Variants in AK9 observed in about 807,000 individuals in gnomAD.
The protein encoded by AK9 is adenylate kinase 9, also known as adenylate kinase domain containing 1.
In AK9, 191 loss-of-function variants were observed where a neutral mutation model predicts 239.6. The ratio of observed to expected loss-of-function variants is 0.80; its 90% CI spans 0.71 to 0.90. The LOEUF (loss-of-function observed/expected upper bound fraction) is 0.90, where lower values mean the gene tolerates loss of function less well. AK9 is among the 40% of genes least tolerant of loss of function. AK9 has a pLI of 0.00. For synonymous variants in AK9, 689 were observed against 721.0 expected (o/e 0.96, Z 0.71); for missense variants, 1,995 against 2,214.7 (o/e 0.90, Z 1.99).
At chr6:109,665,743 C>T (rs1245562161) in intron 5 of AK9, among the ~76,000 whole-genome samples, 1 of 152,184 alleles carries the variant, frequency 6.6e-6, no homozygotes, top group Non-Finnish European at 1.5e-5. Flanking sequence ...TTCCAGAGAC[C>T]ATCTATCTCC....
In AK9 at chr6:109,506,346, G is replaced by T; in HGVS notation, c.4830C>A (p.Tyr1610Ter). ...TCTTACCTGCTTTTATTCTTTCCAG[G>T]TATGTCTGCATGTATTTATTCACCA... ...VQMVNKYMQT[Y>*]LERIKAGKAA... The change falls in exon 35 of 41, where the codon TAC becomes TAA. Residue 1610 changes from tyrosine (Y) to a stop codon, truncating the protein, a stop_gained. Coordinates refer to ENST00000424296, the MANE Select transcript of AK9 (RefSeq NM_001145128.3). LOFTEE classifies it high-confidence loss of function. The T allele has an allele frequency of 6.2e-7, 1 of 1,613,250 alleles. No individual in the cohort carries two copies. The highest frequency in any genetic ancestry group is 2.2e-5 in the East Asian group (1 of 44,782).
chr6:109,561,887 A>T (rs1785827059), intron 24 of AK9, among the ~76,000 whole-genome samples: 1 of 152,118 alleles, frequency 6.6e-6, no homozygotes, highest in Non-Finnish European at 1.5e-5. Context: ...AATTTAGAAA[A>T]AACTTGGCCA....
chr6:109,644,486 G>A, intron 9 of AK9, 128 bp downstream of exon 9: 1 of 764,674 alleles, frequency 1.3e-6, no homozygotes, highest in East Asian at 2.9e-5. Flanking sequence ...TAAGTGTTAA[G>A]ACAGATTGTT....
At chr6:109,601,359 T>G (rs1453086037) in intron 17 of AK9, among the ~76,000 whole-genome samples, 3 of 152,224 alleles carry the variant, frequency 2.0e-5, no homozygotes, top group Non-Finnish European at 4.4e-5. Flanking sequence ...AGGAGCAGGT[T>G]GTTGAGTTTC....
chr6:109,505,490 TA>T lies in AK9; in HGVS notation c.4849+836del, dbSNP rs1158374155. Among the ~76,000 whole-genome samples the T allele has an allele frequency of 4.6e-5, 7 of 152,322 alleles. No individual in the cohort carries two copies. In the East Asian group the frequency reaches 1.2e-3, roughly 25 times the overall value. On this transcript the variant is annotated intron_variant, in intron 35 of 40. Transcript: ENST00000424296. ...GCTTCTGTGAATTCCTAATATAGAT[TA>T]AAAGACATTTTAATGAACAAGCTTA...
At chr6:109,550,414 T>C (rs1784223549) in intron 24 of AK9, 112 bp from the exon 25 acceptor site, 3 of 932,972 alleles carry the variant, frequency 3.2e-6, no homozygotes, top group South Asian at 1.9e-5. Context: ...ACTTGAAAAC[T>C]ATCCACAAAA....
intron 35 of AK9, among the ~76,000 whole-genome samples, chr6:109,502,260 A>G (rs904719561): frequency 2.0e-5 from 3 of 152,184 alleles, no homozygotes; most frequent in African/African-American, 7.2e-5. Flanking sequence ...TCCCAAAAAG[A>G]TATATTGAAG....
At position 109,515,872 on chromosome 6, in the gene AK9, A is replaced by G. The variant is rs1303362369; in HGVS notation, c.4050T>C (p.Tyr1350=). 1.4e-5 allele frequency: 22 copies of G among 1,551,322 alleles called. No individual in the cohort carries two copies. Among genetic ancestry groups the G allele is most frequent in the Non-Finnish European group, 1.8e-5 (21 of 1,146,624 alleles). The part of the protein sequence containing the change: ...FTYKYISSFG[Y]WDPVKLSEGE... ...CTGAAATTACCTTTACAGGGTCCCAATAGCCGAATGAGCTTATATACTTGT... is the reference window on the plus strand; with the variant it reads ...CTGAAATTACCTTTACAGGGTCCCAGTAGCCGAATGAGCTTATATACTTGT... Residue 1350 remains tyrosine (Y), a synonymous_variant, in exon 31 of 41, where the codon TAT becomes TAC. Coordinates refer to ENST00000424296, the MANE Select transcript of AK9 (RefSeq NM_001145128.3).
chr6:109,564,303 A>G, intron 22 of AK9, 23 bp from the exon 23 acceptor site: 2 of 1,511,532 alleles, frequency 1.3e-6, no homozygotes, highest in Non-Finnish European at 1.8e-6. Flanking sequence ...AGACAAAGGA[A>G]AGAAAAAAGG....
intron 28 of AK9, among the ~76,000 whole-genome samples, chr6:109,530,567 A>C (rs1781096325): frequency 6.6e-6 from 1 of 152,194 alleles, no homozygotes; most frequent in Admixed American, 6.5e-5. Context: ...ATTGCAAACT[A>C]TACACAATAG....
Position 109,671,968 on chromosome 6 carries a change from G to A in AK9, c.282C>T (p.Val94=), listed in dbSNP as rs779701431. ...TGAGCTTCTCCAACATTAGCTTTAT[G>A]ACAAGTTCATCTGGAATGCTTTGAC... ...ISGQSIPDEL[V]IKLMLEKLNS... is the part of the protein sequence containing the mutation. The change falls in exon 5 of 41, where the codon GTC becomes GTT. Residue 94 remains valine (V), a synonymous_variant. Coordinates refer to ENST00000424296, the MANE Select transcript of AK9 (RefSeq NM_001145128.3). 6.2e-7 allele frequency: 1 copy of A among 1,614,000 alleles called. No homozygotes were observed. Among genetic ancestry groups the A allele is most frequent in the Non-Finnish European group, 8.5e-7 (1 of 1,179,946 alleles).
chr6:109,610,240 A>T, intron 17 of AK9, 125 bp downstream of exon 17: 2 of 1,176,008 alleles, frequency 1.7e-6, no homozygotes, highest in Non-Finnish European at 2.4e-6. Context: ...TACAAAATGT[A>T]CATGAATTTG....
rs187692689 is a variant in AK9, at chr6:109,504,862, G to C, written c.4849+1465C>G. 3.9e-4 allele frequency among the ~76,000 whole-genome samples: 60 copies of C among 152,216 alleles called. 1 individual carries two copies. The highest frequency in any genetic ancestry group is 8.2e-4 in the Non-Finnish European group (56 of 67,996). On this transcript the variant is annotated intron_variant, in intron 35 of 40. Transcript: ENST00000424296. ...TAGTTGCTAAATCTGGCAACTCTAC[G>C]CCTGAAAGTACTTTCTGATAAAACT...
chr6:109,602,780 C>A (rs573826526), intron 17 of AK9, among the ~76,000 whole-genome samples: 2 of 152,218 alleles, frequency 1.3e-5, no homozygotes, highest in South Asian at 4.1e-4. Flanking sequence ...TCTTTTTATT[C>A]TTTTTTCTCT....
chr6:109,678,824 A>G (rs1274947413), intron 1 of AK9, among the ~76,000 whole-genome samples: 3 of 151,916 alleles, frequency 2.0e-5, no homozygotes, highest in Non-Finnish European at 4.4e-5. Context: ...AAGCGGGGTG[A>G]GGCATCGCCT....
chr6:109,641,659 T>C (rs1243941173), intron 9 of AK9, 43 bp from the exon 10 acceptor site: 2 of 1,513,866 alleles, frequency 1.3e-6, no homozygotes, highest in Non-Finnish European at 1.8e-6. Context: ...GGCATCTGAA[T>C]ATCTCAAATA....
rs993423669 is a variant in AK9, at chr6:109,516,933, CT to C, written c.3634-292del. Among the ~76,000 whole-genome samples, 60 of 151,954 alleles carry C rather than the reference CT, an allele frequency of 3.9e-4. 1 individual carries two copies. Among genetic ancestry groups the C allele is most frequent in the Admixed American group, 3.5e-3 (54 of 15,278 alleles). On this transcript the variant is annotated intron_variant, in intron 29 of 40. Coordinates refer to ENST00000424296, the MANE Select transcript of AK9 (RefSeq NM_001145128.3). ...GGATTTGACTGGTTTTTAAAAATTT[CT>C]TTTTTTTCTCCTTGAGGATGTGACT...
chr6:109,612,865 A>G (rs1320247014), intron 15 of AK9, among the ~76,000 whole-genome samples: 3 of 151,010 alleles, frequency 2.0e-5, no homozygotes, highest in African/African-American at 2.4e-5. Flanking sequence ...GTAAGTTTAT[A>G]TATATAAACT....
At chr6:109,528,970 G>C (rs779115379) in intron 29 of AK9, 41 bp downstream of exon 29, 2 of 1,576,026 alleles carry the variant, frequency 1.3e-6, no homozygotes, top group South Asian at 1.1e-5. Context: ...CTGGGCAACA[G>C]AGTGAGACCC....
Sources: allele counts gnomAD v4.1 joint callset (sites outside exome capture counted in the v4.1 genomes callset), GRCh38; gene constraint gnomAD v4.1.1; transcripts MANE v1.5; gene names NCBI Gene and HGNC (gene_info 2026-07-23, HGNC 2026-07-21).